Variants in HNF1B observed in about 807,000 individuals in gnomAD.
HNF1B encodes hepatocyte nuclear factor 1-beta.
Under a neutral mutation model 61.7 loss-of-function variants are expected in HNF1B, and 8 were observed. The ratio of observed to expected loss-of-function variants is 0.13; its 90% confidence interval spans 0.08 to 0.23. The LOEUF (loss-of-function observed/expected upper bound fraction) is 0.23, where lower values mean the gene tolerates loss of function less well. HNF1B is among the 10% of genes least tolerant of loss of function. The pLI is 1.00. For synonymous variants in HNF1B, 314 were observed against 287.7 expected, an observed-to-expected ratio of 1.09 and a Z score of -0.93; for missense variants, 562 against 714.5, an observed-to-expected ratio of 0.79 and a Z score of 2.43.
At chr17:37,731,222 A>G in intron 4 of HNF1B, 1 of 388,240 alleles carries the variant, frequency 2.6e-6, no homozygotes, top group Non-Finnish European at 4.9e-6. Context: ...CAACACAGTG[A>G]GGGTTGCCAC....
At chr17:37,716,459 A>G (rs1568650837) in intron 4 of HNF1B, among the ~76,000 whole-genome samples, 1 of 152,136 alleles carries the variant, frequency 6.6e-6, no homozygotes, top group African/African-American at 2.4e-5. Context: ...TCAGCCTCCC[A>G]AAGTGCTGGG....
intron 4 of HNF1B, among the ~76,000 whole-genome samples, chr17:37,718,386 G>A (rs1322737856): frequency 6.6e-6 from 1 of 152,212 alleles, no homozygotes; most frequent in Non-Finnish European, 1.5e-5. Flanking sequence ...GATTGCTGCT[G>A]TAGGTAAAAG....
chr17:37,714,637 T>G (rs1165982699), intron 4 of HNF1B, among the ~76,000 whole-genome samples: 1 of 152,208 alleles, frequency 6.6e-6, no homozygotes, highest in Admixed American at 6.5e-5. Flanking sequence ...GGTGAGTAGA[T>G]CATCTACTTT....
intron 4 of HNF1B, among the ~76,000 whole-genome samples, chr17:37,718,508 G>A (rs948144539): frequency 3.3e-5 from 5 of 151,960 alleles, no homozygotes; most frequent in African/African-American, 1.2e-4. Flanking sequence ...GAAAACTGAG[G>A]TTCAGAGAGG....
intron 4 of HNF1B, among the ~76,000 whole-genome samples, chr17:37,712,542 G>A (rs2032970573): frequency 6.6e-6 from 1 of 152,170 alleles, no homozygotes; most frequent in Non-Finnish European, 1.5e-5. Context: ...TGAACCTTAT[G>A]AGCTCTGAAG....
At chr17:37,738,623 C>G (rs1274240653) in intron 2 of HNF1B, among the ~76,000 whole-genome samples, 1 of 152,324 alleles carries the variant, frequency 6.6e-6, no homozygotes. Context: ...AAAATACAGA[C>G]AGTATGTCAT....
At chr17:37,698,845 T>C (rs2032468638) in intron 8 of HNF1B, among the ~76,000 whole-genome samples, 1 of 152,114 alleles carries the variant, frequency 6.6e-6, no homozygotes, top group African/African-American at 2.4e-5. Flanking sequence ...CTATCAAACT[T>C]CTGTCCTTGT....
chr17:37,695,730 C>T (rs556128654), intron 8 of HNF1B, among the ~76,000 whole-genome samples: 1 of 152,376 alleles, frequency 6.6e-6, no homozygotes, highest in South Asian at 2.1e-4. Flanking sequence ...TTCAGACTTG[C>T]ATGGGGTGTT....
intron 3 of HNF1B, among the ~76,000 whole-genome samples, chr17:37,732,078 T>G (rs139428501): frequency 1.3e-5 from 2 of 152,262 alleles, no homozygotes; most frequent in East Asian, 3.9e-4. Context: ...GTCAGGGGCT[T>G]AGGCTCTGGT....
intron 7 of HNF1B, 131 bp downstream of exon 7, chr17:37,700,852 G>A: frequency 1.2e-6 from 1 of 806,084 alleles, no homozygotes. Flanking sequence ...AATTGTCTTA[G>A]TCGGTTGATC....
intron 7 of HNF1B, 54 bp downstream of exon 7, chr17:37,700,929 G>T: frequency 1.3e-6 from 2 of 1,493,976 alleles, no homozygotes; most frequent in Non-Finnish European, 1.8e-6. Context: ...AGGGAAAGTG[G>T]TTGGCCACTG....
intron 7 of HNF1B, among the ~76,000 whole-genome samples, 195 bp downstream of exon 7, chr17:37,700,788 G>A (rs547852720): frequency 6.6e-6 from 1 of 152,240 alleles, no homozygotes; most frequent in African/African-American, 2.4e-5. Flanking sequence ...GAATCTCAGG[G>A]GTAGAGAAGA....
chr17:37,725,604 C>CT lies in HNF1B; in HGVS notation c.1045+5990dup, dbSNP rs528987762. Among the ~76,000 whole-genome samples the CT allele has an allele frequency of 6.6e-5, 10 of 152,356 alleles. No individual in the cohort carries two copies. In the East Asian group the frequency reaches 1.9e-3, roughly 29 times the overall value. On this transcript the variant is annotated intron_variant, in intron 4 of 8. Transcript: ENST00000617811. The stretch of plus-strand genomic sequence containing the variant: ...ATGCTGGAGCCACCCATGTCCGCCA[C>CT]TAAACCTCAAGTCAGTATGAATGTG...
At chr17:37,702,496 G>C (rs1455401989) in intron 6 of HNF1B, among the ~76,000 whole-genome samples, 1 of 152,134 alleles carries the variant, frequency 6.6e-6, no homozygotes, top group Non-Finnish European at 1.5e-5. Flanking sequence ...CCTCAAGCCA[G>C]CATCTCACCA....
intron 4 of HNF1B, among the ~76,000 whole-genome samples, chr17:37,713,568 C>A (rs959261880): frequency 6.6e-6 from 1 of 152,214 alleles, no homozygotes; most frequent in African/African-American, 2.4e-5. Flanking sequence ...TGAGCCTAGA[C>A]CTTTGAACGT....
chr17:37,698,128 C>T (rs943699301), intron 8 of HNF1B, among the ~76,000 whole-genome samples: 17 of 151,864 alleles, frequency 1.1e-4, no homozygotes, highest in African/African-American at 4.1e-4. Context: ...ATTTGCAGGG[C>T]TCAGATGAAA....
rs373731453 is a variant in HNF1B at position 37,727,807 on chromosome 17, G to A, written c.1045+3788C>T. Among the ~76,000 whole-genome samples, 4 of 152,080 alleles carry A rather than the reference G, an allele frequency of 2.6e-5. No individual in the cohort carries two copies. In the South Asian group the frequency reaches 8.3e-4, roughly 32 times the overall value. On this transcript the variant is annotated intron_variant, in intron 4 of 8. Coordinates refer to ENST00000617811, the MANE Select transcript of HNF1B (RefSeq NM_000458.4). The stretch of plus-strand genomic sequence containing the variant: ...GGCTGCTCTTCCTCTCTAGGAAGAG[G>A]GTTCTGGGGAAGCTTCGTCTCCAAG...
rs1390865197 is a variant in HNF1B at position 37,733,627 on chromosome 17, A to C, written c.739T>G (p.Tyr247Asp). The C allele has an allele frequency of 6.2e-7, 1 of 1,614,060 alleles. No homozygotes were observed. The highest frequency in any genetic ancestry group is 8.5e-7 in the Non-Finnish European group (1 of 1,180,016). Residue 247 changes from tyrosine (Y) to aspartate (D), a missense_variant, in exon 3 of 9, where the codon TAC (tyrosine) becomes GAC (aspartate). This residue lies in a region of HNF1B where 54 missense variants were observed against 122.1 expected (regional missense o/e 0.44). Transcript: ENST00000617811. ...TTCTTTTGCCGATCGTAGGCCTGGT[A>C]CAAGATTTGCTGGGACGCGGGCCCC... ...KWGPASQQIL[Y>D]QAYDRQKNPS...
At chr17:37,734,939 G>A (rs2033791914) in intron 2 of HNF1B, among the ~76,000 whole-genome samples, 1 of 151,704 alleles carries the variant, frequency 6.6e-6, no homozygotes, top group Non-Finnish European at 1.5e-5. Flanking sequence ...TAGGTGTGCG[G>A]CACCATGCCC....
Sources: allele counts gnomAD v4.1 joint callset (sites outside exome capture counted in the v4.1 genomes callset), GRCh38; gene constraint gnomAD v4.1.1; regional missense constraint gnomAD v4.1.1; transcripts MANE v1.5; gene names NCBI Gene and HGNC (gene_info 2026-07-23, HGNC 2026-07-21).